The following CLSTN2 variants were observed in gnomAD, a reference collection of about 807,000 sequenced individuals.
The protein encoded by CLSTN2 is calsyntenin-2.
Under a neutral mutation model 101.2 loss-of-function variants are expected in CLSTN2, and 48 were observed. That is an observed-to-expected ratio of 0.47 (90% CI 0.38 to 0.60). CLSTN2 has a LOEUF of 0.60. Ranked by LOEUF, CLSTN2 falls within the 20% of genes least tolerant of loss-of-function variation. The probability of loss-of-function intolerance (pLI) is 0.00; values close to 1 mark genes in which losing one functional copy is unlikely to be tolerated. For missense variants in CLSTN2, 1,160 were observed against 1,238.2 expected, an observed-to-expected ratio of 0.94 and a Z score of 0.95; for synonymous variants, 481 against 463.6, an observed-to-expected ratio of 1.04 and a Z score of -0.48.
At chr3:139,990,789 A>G (rs1474199656) in intron 1 of CLSTN2, among the ~76,000 whole-genome samples, 2 of 152,202 alleles carry the variant, frequency 1.3e-5, no homozygotes, top group African/African-American at 2.4e-5. Context: ...TGTAGTTCTC[A>G]CTGTAATGGT....
intron 12 of CLSTN2, among the ~76,000 whole-genome samples, chr3:140,561,343 C>A (rs557169709): frequency 6.6e-6 from 1 of 152,096 alleles, no homozygotes; most frequent in African/African-American, 2.4e-5. Flanking sequence ...AAATACCAGT[C>A]GCCTTCTTAA....
chr3:140,417,697 GA>G (rs2088446299), intron 4 of CLSTN2, among the ~76,000 whole-genome samples: 1 of 152,168 alleles, frequency 6.6e-6, no homozygotes, highest in African/African-American at 2.4e-5. Flanking sequence ...GACCGTGATA[GA>G]AAAATCATTC....
intron 7 of CLSTN2, among the ~76,000 whole-genome samples, chr3:140,460,662 T>A (rs1933537621): frequency 6.6e-6 from 1 of 152,170 alleles, no homozygotes; most frequent in African/African-American, 2.4e-5. Flanking sequence ...TAGATCCAAC[T>A]AAATCCAAAC....
chr3:139,996,327 G>T (rs1576390971), intron 1 of CLSTN2, among the ~76,000 whole-genome samples: 1 of 152,054 alleles, frequency 6.6e-6, no homozygotes, highest in South Asian at 2.1e-4. Flanking sequence ...CTGCTGTTGG[G>T]TCTTTGGGTA....
At chr3:140,198,553 A>T (rs1221526959) in intron 2 of CLSTN2, among the ~76,000 whole-genome samples, 1 of 152,154 alleles carries the variant, frequency 6.6e-6, no homozygotes, top group Non-Finnish European at 1.5e-5. Context: ...GCTGGCTGTC[A>T]GCTGGGGGAT....
chr3:140,357,394 A>G (rs896504266), intron 2 of CLSTN2, among the ~76,000 whole-genome samples: 2 of 152,072 alleles, frequency 1.3e-5, no homozygotes, highest in African/African-American at 4.8e-5. Flanking sequence ...TGGGCCAACA[A>G]CATCAGAGCC....
intron 2 of CLSTN2, among the ~76,000 whole-genome samples, chr3:140,383,521 G>C (rs1194567794): frequency 6.6e-6 from 1 of 152,108 alleles, no homozygotes; most frequent in African/African-American, 2.4e-5. Context: ...TAAAAACATA[G>C]GTAATTCTGA....
At chr3:140,429,967 A>G (rs2088611088) in intron 5 of CLSTN2, among the ~76,000 whole-genome samples, 1 of 152,124 alleles carries the variant, frequency 6.6e-6, no homozygotes, top group Non-Finnish European at 1.5e-5. Context: ...TACCAAGGAG[A>G]TAAACACCCA....
At chr3:140,129,227 G>A (rs554393629) in intron 1 of CLSTN2, among the ~76,000 whole-genome samples, 231 of 151,984 alleles carry the variant, frequency 1.5e-3, no homozygotes, top group Non-Finnish European at 2.1e-3. Context: ...TGCAAAAGTC[G>A]CACAGAGAGT....
chr3:140,501,685 C>A (rs1205876174), intron 8 of CLSTN2, among the ~76,000 whole-genome samples: 4 of 152,212 alleles, frequency 2.6e-5, no homozygotes, highest in Non-Finnish European at 4.4e-5. Flanking sequence ...ATTTGACCTA[C>A]AAGAATCCTT....
chr3:140,311,068 G>A (rs1482475594), intron 2 of CLSTN2, among the ~76,000 whole-genome samples: 1 of 152,116 alleles, frequency 6.6e-6, no homozygotes, highest in Non-Finnish European at 1.5e-5. Context: ...CACAACAGCA[G>A]AGAGAGAAAG....
intron 2 of CLSTN2, among the ~76,000 whole-genome samples, chr3:140,297,938 T>G (rs921294834): frequency 3.3e-5 from 5 of 152,236 alleles, no homozygotes; most frequent in African/African-American, 1.2e-4. Flanking sequence ...TGTCATCTGA[T>G]GTAACCCCAA....
At chr3:140,029,118 T>A (rs2007493207) in intron 1 of CLSTN2, among the ~76,000 whole-genome samples, 1 of 152,316 alleles carries the variant, frequency 6.6e-6, no homozygotes, top group African/African-American at 2.4e-5. Flanking sequence ...TGTGCCTTCT[T>A]AAAATTGAGT....
intron 1 of CLSTN2, among the ~76,000 whole-genome samples, chr3:140,060,526 C>G (rs2008186123): frequency 1.3e-5 from 2 of 152,098 alleles, no homozygotes; most frequent in African/African-American, 2.4e-5. Flanking sequence ...CAGGGGTAGC[C>G]CCAGCTCTGA....
chr3:140,509,681 C>G (rs1330814761), intron 8 of CLSTN2, among the ~76,000 whole-genome samples: 5 of 152,162 alleles, frequency 3.3e-5, no homozygotes, highest in African/African-American at 4.8e-5. Context: ...TGGCATGTCC[C>G]ATTCCTCCAG....
intron 2 of CLSTN2, among the ~76,000 whole-genome samples, chr3:140,265,449 C>T (rs2086687257): frequency 6.6e-6 from 1 of 152,100 alleles, no homozygotes; most frequent in African/African-American, 2.4e-5. Flanking sequence ...ACCCAGACCC[C>T]CTGGAATCAG....
intron 2 of CLSTN2, among the ~76,000 whole-genome samples, chr3:140,327,250 C>T (rs1320271466): frequency 6.6e-6 from 1 of 152,216 alleles, no homozygotes. Context: ...AAATCTGATG[C>T]TCAACTGTGC....
intron 2 of CLSTN2, among the ~76,000 whole-genome samples, chr3:140,321,830 A>G (rs776380360): frequency 2.6e-5 from 4 of 152,184 alleles, no homozygotes; most frequent in Non-Finnish European, 5.9e-5. Context: ...AATGTCTAGT[A>G]CAGACTGGCA....
chr3:140,232,149 G>A lies in CLSTN2; in HGVS notation c.232+56076G>A, dbSNP rs559616002. 3.3e-5 allele frequency among the ~76,000 whole-genome samples: 5 copies of A among 152,254 alleles called. No homozygotes were observed. In the South Asian group the frequency reaches 1.0e-3, roughly 32 times the overall value. ...CTGTGATATAGCTTGTGAGATGGAAGTACACAGGCTTCAAAGAAAAAAGCA... is the reference window on the plus strand; with the variant it reads ...CTGTGATATAGCTTGTGAGATGGAAATACACAGGCTTCAAAGAAAAAAGCA... On this transcript the variant is annotated intron_variant, in intron 2 of 16. Transcript: ENST00000458420.
Sources: gnomAD v4.1 joint callset for allele counts (sites outside exome capture counted in the v4.1 genomes callset) on GRCh38, gnomAD v4.1.1 for gene constraint, MANE v1.5 for transcripts, NCBI Gene and HGNC (gene_info 2026-07-23, HGNC 2026-07-21) for gene names.